The following SIRPB1 variants were observed in gnomAD, a reference collection of about 807,000 sequenced individuals.
The protein encoded by SIRPB1 is signal regulatory protein beta 1.
SIRPB1 carries 28 observed loss-of-function variants against 34.1 expected under a neutral mutation model. The observed-to-expected ratio is 0.82, with a 90% CI of 0.61 to 1.12. The LOEUF (loss-of-function observed/expected upper bound fraction) is 1.12, where lower values mean the gene tolerates loss of function less well. SIRPB1 is among the 50% of genes most tolerant of loss of function. SIRPB1 has a pLI of 0.00. For synonymous variants in SIRPB1, 211 were observed against 203.8 expected, an observed-to-expected ratio of 1.04 and a Z score of -0.30; for missense variants, 499 against 507.0, an observed-to-expected ratio of 0.98 and a Z score of 0.15.
intron 1 of SIRPB1, among the ~76,000 whole-genome samples, chr20:1,600,065 A>T (rs2091470514): frequency 2.0e-5 from 1 of 49,836 alleles, no homozygotes; most frequent in Admixed American, 1.3e-4. Context: ...GTTTAGCCCC[A>T]GTGGTGAGGG....
intron 1 of SIRPB1, among the ~76,000 whole-genome samples, chr20:1,617,743 A>G (rs2091650807): frequency 6.6e-6 from 1 of 152,240 alleles, no homozygotes; most frequent in African/African-American, 2.4e-5. Flanking sequence ...AGCTCAAATT[A>G]GGCATTCTGC....
Position 1,578,744 on chromosome 20 carries a change from G to A in SIRPB1, c.77-50C>T, listed in dbSNP as rs757359190. ...TTTCTTCATCCTTACCTGATTCTCT[G>A]TGTTTCCTCAAGTGTTTATCAATGG... On this transcript the variant is annotated intron_variant, in intron 1 of 5. Transcript: ENST00000381605. The A allele has an allele frequency of 4.9e-6, 7 of 1,432,422 alleles. 2 individuals carry two copies. The highest frequency in any genetic ancestry group is 4.6e-5 in the South Asian group (4 of 86,874). The allele number at this position is 1,432,422 out of a possible 1,614,324, so 88.7% of individuals were successfully genotyped here.
In SIRPB1 at chr20:1,608,016, AG is replaced by A. The variant is rs1242040363; in HGVS notation, c.76+11852del. Among the ~76,000 whole-genome samples, 76 of 94,172 alleles carry A rather than the reference AG, an allele frequency of 8.1e-4. 1 individual carries two copies. Among genetic ancestry groups the A allele is most frequent in the African/African-American group, 3.0e-3 (74 of 24,456 alleles). The allele number at this position is 94,172 out of a possible 152,430, so 61.8% of individuals were successfully genotyped here. A position where few individuals can be genotyped will look rare whatever the true frequency, so the allele number is the denominator to read the frequency against. On this transcript the variant is annotated intron_variant, in intron 1 of 5. Transcript: ENST00000381605. ...ATCCTCTCCAATCCTCACAGAACCC[AG>A]AATAGGCCATGATAATCAGCATCTC...
Position 1,571,944 on chromosome 20 carries a change from G to A in SIRPB1, c.527C>T (p.Pro176Leu). 2 of 1,614,154 alleles carry A rather than the reference G, an allele frequency of 1.2e-6. No individual in the cohort carries two copies. The highest frequency in any genetic ancestry group is 2.2e-5 in the South Asian group (2 of 91,084). The stretch of plus-strand genomic sequence containing the variant: ...GAACCATTTCAGGGTGATGTCTCTG[G>A]GAGAGAAGCCATGGGACTCGCAGGT... ...SFTCESHGFS[P>L]RDITLKWFKN... The change falls in exon 3 of 6, where the codon CCC becomes CTC. Residue 176 changes from proline (P) to leucine (L), a missense_variant. Coordinates refer to ENST00000381605, the MANE Select transcript of SIRPB1 (RefSeq NM_006065.5).
In SIRPB1 at chr20:1,578,272, T is replaced by C; in HGVS notation, c.433+66A>G. 2 of 1,496,402 alleles carry C rather than the reference T, an allele frequency of 1.3e-6. 1 individual carries two copies. Among genetic ancestry groups the C allele is most frequent in the Non-Finnish European group, 1.9e-6 (2 of 1,079,300 alleles). The allele number at this position is 1,496,402 out of a possible 1,614,324, so 92.7% of individuals were successfully genotyped here. On this transcript the variant is annotated intron_variant, in intron 2 of 5. Coordinates refer to ENST00000381605, the MANE Select transcript of SIRPB1 (RefSeq NM_006065.5). ...CCACACCTGGCTGTTGCTCCAAGAATGGATAATGTAATTATTGAGTTATTG... is the reference window on the plus strand; with the variant it reads ...CCACACCTGGCTGTTGCTCCAAGAACGGATAATGTAATTATTGAGTTATTG...
At position 1,589,054 on chromosome 20, in the gene SIRPB1, C is replaced by A. The variant is rs1382611654; in HGVS notation, c.77-10360G>T. Reference sequence around the variant, plus strand: ...GTTGGCTTGTTGCTTCGTTCTGCACCAGCCTCAACCAAGTGCTACTCAGCA... The same window carrying A: ...GTTGGCTTGTTGCTTCGTTCTGCACAAGCCTCAACCAAGTGCTACTCAGCA... On this transcript the variant is annotated intron_variant, in intron 1 of 5. Transcript: ENST00000381605. Among the ~76,000 whole-genome samples, 4 of 48,666 alleles carry A rather than the reference C, an allele frequency of 8.2e-5. 2 individuals carry two copies. Among genetic ancestry groups the A allele is most frequent in the Non-Finnish European group, 1.6e-4 (4 of 25,356 alleles). The allele number at this position is 48,666 out of a possible 152,430, so 31.9% of individuals were successfully genotyped here. A position where few individuals can be genotyped will look rare whatever the true frequency, so the allele number is the denominator to read the frequency against.
At position 1,578,106 on chromosome 20, in the gene SIRPB1, C is replaced by T. The variant is rs1469298847; in HGVS notation, c.433+232G>A. On this transcript the variant is annotated intron_variant, in intron 2 of 5. Coordinates refer to ENST00000381605, the MANE Select transcript of SIRPB1 (RefSeq NM_006065.5). The stretch of plus-strand genomic sequence containing the variant: ...TTTGGAAACACAAGAGCTGTAGAGC[C>T]GCAGACTGGGGATGCCTTCTGTCCC... The T allele has an allele frequency of 4.9e-5, 27 of 555,130 alleles. 4 individuals are homozygous for T. Among genetic ancestry groups the T allele is most frequent in the Non-Finnish European group, 7.4e-5 (23 of 310,156 alleles). 34.4% of individuals were successfully genotyped at this position (555,130 alleles called of 1,614,324 possible).
At chr20:1,616,317 C>T (rs6110607) in intron 1 of SIRPB1, among the ~76,000 whole-genome samples, 3,527 of 152,182 alleles carry the variant, frequency 0.023, 111 homozygotes, top group African/African-American at 0.079. Context: ...ACTTGACTAC[C>T]GTGCCATAGT....
In SIRPB1 at chr20:1,570,974, CT is replaced by C; in HGVS notation, c.914del (p.Lys305ArgfsTer8). The C allele has an allele frequency of 6.2e-7, 1 of 1,614,174 alleles. No individual in the cohort carries two copies. Among genetic ancestry groups the C allele is most frequent in the Non-Finnish European group, 8.5e-7 (1 of 1,180,036 alleles). ...AGCTCATCCAGTTGTAGGTGCCATC[CT>C]TGTTCTCTATGAGGGTCGAAGCTGT... The part of the protein sequence containing the change: ...TETASTLIEN[K>X]DGTYNWMSWL... On this transcript the variant is annotated frameshift_variant, in exon 4 of 6. Transcript: ENST00000381605. LOFTEE classifies it high-confidence loss of function.
chr20:1,568,017 G>C (rs529713963), intron 4 of SIRPB1, among the ~76,000 whole-genome samples: 24 of 152,322 alleles, frequency 1.6e-4, no homozygotes, highest in African/African-American at 5.1e-4. Flanking sequence ...TGCTGGGATA[G>C]GGCCCTGATG....
chr20:1,562,493 T>C lies in SIRPB1; in HGVS notation c.*3007A>G, dbSNP rs1277806586. ...ATTCCATTTGCGTAACATAGATAAA[T>C]ACAGGCAGTTCTCACTTTGGTGATG... On this transcript the variant is annotated 3_prime_UTR_variant, in exon 6 of 6. Coordinates refer to ENST00000381605, the MANE Select transcript of SIRPB1 (RefSeq NM_006065.5). Among the ~76,000 whole-genome samples the C allele has an allele frequency of 6.9e-6, 1 of 145,098 alleles. No homozygotes were observed. The highest frequency in any genetic ancestry group is 1.5e-5 in the Non-Finnish European group (1 of 67,144).
rs572001878 is a variant in SIRPB1 at position 1,570,664 on chromosome 20, C to T, written c.1084+141G>A. The T allele has an allele frequency of 3.4e-4, 238 of 708,814 alleles. 3 individuals carry two copies. The South Asian group carries it at 4.0e-3, about 12-fold the overall frequency. The allele number at this position is 708,814 out of a possible 1,614,324, so 43.9% of individuals were successfully genotyped here. A position where few individuals can be genotyped will look rare whatever the true frequency, so the allele number is the denominator to read the frequency against. Reference sequence around the variant, plus strand: ...CCTTGAACCTTCTAAGTAGTGGTGACCCATGGAGTGTAGGATTTTAATGTA... The same window carrying T: ...CCTTGAACCTTCTAAGTAGTGGTGATCCATGGAGTGTAGGATTTTAATGTA... On this transcript the variant is annotated intron_variant, in intron 4 of 5. Transcript: ENST00000381605.
Position 1,604,014 on chromosome 20 carries a change from T to C in SIRPB1, c.76+15855A>G. 6.6e-6 allele frequency: 4 copies of C among 610,370 alleles called. 1 individual carries two copies. The highest frequency in any genetic ancestry group is 8.8e-6 in the Non-Finnish European group (4 of 456,918). 37.8% of individuals were successfully genotyped at this position (610,370 alleles called of 1,614,324 possible). On this transcript the variant is annotated intron_variant, in intron 1 of 5. Coordinates refer to ENST00000381605, the MANE Select transcript of SIRPB1 (RefSeq NM_006065.5). ...GTAAGGGTTGAGGCCGTTTCTGTCC[T>C]GGACACGTTTCCATTCTCCAACCAG... is the stretch of plus-strand genomic sequence containing the variant.
intron 1 of SIRPB1, among the ~76,000 whole-genome samples, 170 bp downstream of exon 1, chr20:1,619,699 T>C (rs945445612): frequency 1.3e-5 from 2 of 152,248 alleles, no homozygotes; most frequent in African/African-American, 4.8e-5. Flanking sequence ...GGTAGCCAGC[T>C]GCAGATCCAC....
At chr20:1,617,976 C>G (rs531145154) in intron 1 of SIRPB1, among the ~76,000 whole-genome samples, 1 of 151,904 alleles carries the variant, frequency 6.6e-6, no homozygotes, top group Non-Finnish European at 1.5e-5. Flanking sequence ...AATATATATA[C>G]ACACACATAT....
At chr20:1,614,486 A>C (rs1232320367) in intron 1 of SIRPB1, among the ~76,000 whole-genome samples, 2 of 151,896 alleles carry the variant, frequency 1.3e-5, no homozygotes, top group Non-Finnish European at 2.9e-5. Flanking sequence ...ACCCTAGTAA[A>C]ACCCATCATG....
intron 4 of SIRPB1, among the ~76,000 whole-genome samples, chr20:1,569,120 T>A (rs1029991270): frequency 1.4e-4 from 22 of 152,202 alleles, no homozygotes; most frequent in Non-Finnish European, 8.8e-5. Flanking sequence ...AAACACAACT[T>A]ACCAGGGCTC....
At chr20:1,614,646 T>C (rs1281917363) in intron 1 of SIRPB1, among the ~76,000 whole-genome samples, 1 of 151,998 alleles carries the variant, frequency 6.6e-6, no homozygotes, top group East Asian at 1.9e-4. Flanking sequence ...CTTCCTTCTC[T>C]AGGAACTGTG....
chr20:1,578,134 C>T, intron 2 of SIRPB1: 1 of 605,716 alleles, frequency 1.7e-6, no homozygotes, highest in Non-Finnish European at 2.9e-6. Flanking sequence ...TCTGTCCCAT[C>T]ATTTACAAGC....
Sources: allele counts gnomAD v4.1 joint callset (sites outside exome capture counted in the v4.1 genomes callset), GRCh38; gene constraint gnomAD v4.1.1; transcripts MANE v1.5; gene names NCBI Gene and HGNC (gene_info 2026-07-23, HGNC 2026-07-21).